Variants in LANCL3 observed in about 807,000 individuals in gnomAD.
LANCL3 encodes lanC-like protein 3.
In LANCL3, 19 loss-of-function variants were observed where a neutral mutation model predicts 26.5. The ratio of observed to expected loss-of-function variants is 0.72; its 90% CI spans 0.50 to 1.05. The LOEUF is 1.05. Ranked by LOEUF, LANCL3 falls within the 50% of genes least tolerant of loss-of-function variation. LANCL3 has a pLI of 0.00. For synonymous variants in LANCL3, 160 were observed against 166.6 expected (o/e 0.96, Z 0.30); for missense variants, 318 against 362.7 (o/e 0.88, Z 1.00).
At chrX:37,630,765 G>A (rs200224554) in intron 1 of LANCL3, among the ~76,000 whole-genome samples, 24,343 of 105,619 alleles carry the variant, frequency 0.23, 2,705 homozygotes, top group African/African-American at 0.42. Context: ...ATTGATTTGC[G>A]TATATTGAAC....
chrX:37,643,848 A>G (rs1556426318), intron 1 of LANCL3, among the ~76,000 whole-genome samples: 1 of 111,579 alleles, frequency 9.0e-6, no homozygotes, highest in Non-Finnish European at 1.9e-5. Context: ...GTCCCTTTTC[A>G]CTATAGCTTG....
chrX:37,619,168 T>G (rs1556422020), intron 1 of LANCL3, among the ~76,000 whole-genome samples: 1 of 111,665 alleles, frequency 9.0e-6, no homozygotes. Context: ...TTCAATCTTG[T>G]GCATGGGATC....
chrX:37,586,071 G>T (rs578066841), intron 1 of LANCL3, among the ~76,000 whole-genome samples: 10 of 111,399 alleles, frequency 9.0e-5, no homozygotes, highest in African/African-American at 3.3e-4. Context: ...AGTTTGGCTG[G>T]ATAGGAAATT....
chrX:37,577,827 C>T (rs1268598020), intron 1 of LANCL3, among the ~76,000 whole-genome samples: 1 of 112,175 alleles, frequency 8.9e-6, no homozygotes, highest in Non-Finnish European at 1.9e-5. Flanking sequence ...CAAATTATTG[C>T]AAAGTTGTTA....
intron 1 of LANCL3, among the ~76,000 whole-genome samples, chrX:37,652,265 A>G (rs1379501383): frequency 1.8e-5 from 2 of 110,886 alleles, no homozygotes; most frequent in East Asian, 5.7e-4. Context: ...TGAGGCCAGC[A>G]TTCTGTGGTT....
intron 1 of LANCL3, among the ~76,000 whole-genome samples, chrX:37,613,148 C>T (rs1450119860): frequency 9.1e-6 from 1 of 110,107 alleles, no homozygotes; most frequent in African/African-American, 3.3e-5. Context: ...CACACACAAA[C>T]TCTGCATCTC....
At chrX:37,615,403 A>G (rs1256719448) in intron 1 of LANCL3, among the ~76,000 whole-genome samples, 5 of 112,006 alleles carry the variant, frequency 4.5e-5, no homozygotes, top group African/African-American at 1.6e-4. Context: ...CAAAGAGGAT[A>G]GTGGTATTAC....
At chrX:37,633,657 C>T (rs1259322860) in intron 1 of LANCL3, among the ~76,000 whole-genome samples, 3 of 111,664 alleles carry the variant, frequency 2.7e-5, no homozygotes, top group Non-Finnish European at 3.8e-5. Context: ...AGACAGGACC[C>T]TCAGCTGCAG....
At position 37,648,506 on chromosome X, in the gene LANCL3, C is replaced by A. The variant is rs782472852; in HGVS notation, c.574-7182C>A. Among the ~76,000 whole-genome samples, 45 of 112,085 alleles carry A rather than the reference C, an allele frequency of 4.0e-4. No individual in the cohort carries two copies. The East Asian group carries it at 0.011, about 28-fold the overall frequency. ...AATGTAAAACCCAAAACCATAAAAA[C>A]CCTAGAAGAAAACCTAGACAATACC... On this transcript the variant is annotated intron_variant, in intron 1 of 4. Coordinates refer to ENST00000378619, the MANE Select transcript of LANCL3 (RefSeq NM_001170331.2).
intron 1 of LANCL3, among the ~76,000 whole-genome samples, chrX:37,594,768 A>T (rs1556419338): frequency 4.5e-5 from 5 of 111,994 alleles, no homozygotes; most frequent in Non-Finnish European, 9.4e-5. Context: ...TCAGGACTGA[A>T]TTAGTTGCTT....
rs1191583158 is a variant in LANCL3, at chrX:37,682,257, T to C, written c.*6444T>C. ...AGCTGGGACTACAGGCGCCCGCCAC[T>C]ACGCCCGGCTAATTTTTTGTATTTT... On this transcript the variant is annotated 3_prime_UTR_variant, in exon 5 of 5. Coordinates refer to ENST00000378619, the MANE Select transcript of LANCL3 (RefSeq NM_001170331.2). The C allele has an allele frequency of 2.8e-5, 3 of 107,719 alleles. No homozygotes were observed. The highest frequency in any genetic ancestry group is 9.9e-5 in the Admixed American group (1 of 10,151). The allele number at this position is 107,719 out of a possible 1,213,427, so 8.9% of individuals were successfully genotyped here.
rs1204515855 is a variant in LANCL3 at position 37,633,220 on chromosome X, A to G, written c.574-22468A>G. On this transcript the variant is annotated intron_variant, in intron 1 of 4. Transcript: ENST00000378619. ...CATTTCATTCATTTCATCTTCCATC[A>G]CTGATACCCTTTCTTCCAGTTGATC... is the stretch of plus-strand genomic sequence containing the variant. Among the ~76,000 whole-genome samples the G allele has an allele frequency of 5.6e-5, 6 of 107,559 alleles. No homozygotes were observed. The Admixed American group carries it at 6.0e-4, about 11-fold the overall frequency. 93.4% of individuals were successfully genotyped at this position (107,559 alleles called of 115,157 possible). A position where few individuals can be genotyped will look rare whatever the true frequency, so the allele number is the denominator to read the frequency against.
intron 1 of LANCL3, among the ~76,000 whole-genome samples, chrX:37,624,189 C>T (rs1051267037): frequency 4.5e-5 from 5 of 111,759 alleles, no homozygotes; most frequent in Admixed American, 9.5e-5. Context: ...CCTCTCTCAA[C>T]GGTGTATGAG....
chrX:37,646,402 A>G (rs1411958351), intron 1 of LANCL3, among the ~76,000 whole-genome samples: 2 of 112,260 alleles, frequency 1.8e-5, no homozygotes, highest in Non-Finnish European at 3.8e-5. Context: ...ACCTTAAGTA[A>G]ATCTTTATCT....
chrX:37,671,805 A>G (rs1483126828), intron 4 of LANCL3, among the ~76,000 whole-genome samples: 1 of 112,202 alleles, frequency 8.9e-6, no homozygotes, highest in Admixed American at 9.5e-5. Context: ...ATTTTTTGTG[A>G]TATTTACATG....
intron 1 of LANCL3, among the ~76,000 whole-genome samples, chrX:37,635,511 C>A (rs1209767245): frequency 1.8e-5 from 2 of 111,424 alleles, no homozygotes; most frequent in African/African-American, 3.3e-5. Flanking sequence ...ACATTAAAAA[C>A]CATAGGTAAG....
intron 1 of LANCL3, among the ~76,000 whole-genome samples, chrX:37,638,079 A>G (rs1264454704): frequency 8.9e-6 from 1 of 111,733 alleles, no homozygotes; most frequent in Admixed American, 9.5e-5. Flanking sequence ...AAAGAGAGAG[A>G]TAATATGATG....
At position 37,677,138 on chromosome X, in the gene LANCL3, ATGTGTGTGTGTG is replaced by A. The variant is rs200149842; in HGVS notation, c.*1343_*1354del. On this transcript the variant is annotated 3_prime_UTR_variant, in exon 5 of 5. Coordinates refer to ENST00000378619, the MANE Select transcript of LANCL3 (RefSeq NM_001170331.2). ...TAGTCATTAAATATTTGGATATATTATGTGTGTGTGTGTGTGTGTGTGTGTGTGTATGGTGTG... is the reference window on the plus strand; with the variant it reads ...TAGTCATTAAATATTTGGATATATTATGTGTGTGTGTGTGTGTATGGTGTG... 4 of 99,464 alleles carry A rather than the reference ATGTGTGTGTGTG, an allele frequency of 4.0e-5. No individual in the cohort carries two copies. Among genetic ancestry groups the A allele is most frequent in the Non-Finnish European group, 8.1e-5 (4 of 49,473 alleles). 8.2% of individuals were successfully genotyped at this position (99,464 alleles called of 1,213,427 possible). A position where few individuals can be genotyped will look rare whatever the true frequency, so the allele number is the denominator to read the frequency against.
At chrX:37,630,875 G>C (rs1428429928) in intron 1 of LANCL3, among the ~76,000 whole-genome samples, 3 of 110,702 alleles carry the variant, frequency 2.7e-5, no homozygotes, top group Non-Finnish European at 5.7e-5. Context: ...GAAGATTTTT[G>C]CATCAATGTT....
Sources: gnomAD v4.1 joint callset for allele counts (sites outside exome capture counted in the v4.1 genomes callset) on GRCh38, gnomAD v4.1.1 for gene constraint, MANE v1.5 for transcripts, NCBI Gene and HGNC (gene_info 2026-07-23, HGNC 2026-07-21) for gene names.